The following STK32B variants were observed in gnomAD, a reference collection of about 807,000 sequenced individuals.
STK32B encodes the protein serine/threonine kinase 32B, also known as serine/threonine-protein kinase 32B.
In STK32B, 43 loss-of-function variants were observed where a neutral mutation model predicts 52.6. That is an observed-to-expected ratio of 0.82 (90% CI 0.64 to 1.05). The LOEUF is 1.05. Among genes scored for constraint, STK32B ranks in the 50% least tolerant of loss-of-function variants. STK32B has a pLI of 0.00. For synonymous variants in STK32B, 238 were observed against 204.3 expected (o/e 1.17, Z -1.41); for missense variants, 621 against 534.6 (o/e 1.16, Z -1.59).
At chr4:5,486,673 G>A (rs141466973) in intron 11 of STK32B, among the ~76,000 whole-genome samples, 35 of 152,318 alleles carry the variant, frequency 2.3e-4, no homozygotes, top group African/African-American at 6.0e-4. Flanking sequence ...CTTCTGCGTC[G>A]CTCATGCTGG....
chr4:5,488,266 C>G (rs1354518636), intron 11 of STK32B, among the ~76,000 whole-genome samples: 1 of 152,102 alleles, frequency 6.6e-6, no homozygotes, highest in Non-Finnish European at 1.5e-5. Flanking sequence ...CCACTGCACT[C>G]CAGCCTGGGT....
chr4:5,228,022 A>G (rs2108802781), intron 3 of STK32B, among the ~76,000 whole-genome samples: 1 of 152,238 alleles, frequency 6.6e-6, no homozygotes, highest in East Asian at 1.9e-4. Context: ...CTGGGAGAAC[A>G]TTTGTTTTAT....
Position 5,428,410 on chromosome 4 carries a change from AAAAAC to A in STK32B, c.562+11485_562+11489del, listed in dbSNP as rs1204111387. 3.9e-5 allele frequency among the ~76,000 whole-genome samples: 6 copies of A among 152,184 alleles called. No individual in the cohort carries two copies. In the East Asian group the frequency reaches 7.7e-4, roughly 20 times the overall value. On this transcript the variant is annotated intron_variant, in intron 6 of 11. Transcript: ENST00000282908. ...GCAACAAAGTGAGACTCTGTCTAAA[AAAAAC>A]AAAACAAACAAACAAAAAAACATTT...
At position 5,481,571 on chromosome 4, in the gene STK32B, A is replaced by C. The variant is rs1162978944; in HGVS notation, c.1106+13501A>C. ...CTGGTGGTAGTTTCTTTTGCTGTGC[A>C]GAAGCTCTTTAGTTTAATTAGATGC... On this transcript the variant is annotated intron_variant, in intron 11 of 11. Coordinates refer to ENST00000282908, the MANE Select transcript of STK32B (RefSeq NM_018401.3). 5.9e-5 allele frequency among the ~76,000 whole-genome samples: 9 copies of C among 152,184 alleles called. No individual in the cohort carries two copies. The South Asian group carries it at 6.2e-4, about 10-fold the overall frequency.
chr4:5,161,612 G>A (rs368420030), intron 2 of STK32B, among the ~76,000 whole-genome samples: 3 of 152,182 alleles, frequency 2.0e-5, no homozygotes, highest in East Asian at 1.9e-4. Context: ...CATCTCCTTG[G>A]CTAGAACTGT....
At chr4:5,105,252 A>G (rs889740749) in intron 1 of STK32B, among the ~76,000 whole-genome samples, 23 of 152,138 alleles carry the variant, frequency 1.5e-4, no homozygotes, top group African/African-American at 4.8e-4. Flanking sequence ...GGAGGATTGC[A>G]TGAGGCCAGA....
In STK32B at chr4:5,467,367, C is replaced by T. The variant is rs1183894367; in HGVS notation, c.1041+533C>T. ...CCCCAGGCTTCGAGTGGCGGCCGGC[C>T]CCCTTGTCCTTCGCTGGCTCGCAGC... is the stretch of plus-strand genomic sequence containing the variant. On this transcript the variant is annotated intron_variant, in intron 10 of 11. Transcript: ENST00000282908. The surrounding 1 kb of genome is among the most constrained non-coding windows in gnomAD (Gnocchi z 5.8). Among the ~76,000 whole-genome samples the T allele has an allele frequency of 1.3e-5, 2 of 152,156 alleles. No homozygotes were observed. Among genetic ancestry groups the T allele is most frequent in the East Asian group, 3.9e-4 (2 of 5,156 alleles).
intron 2 of STK32B, among the ~76,000 whole-genome samples, chr4:5,167,566 TAGGA>T (rs147479447): frequency 4.7e-4 from 71 of 151,692 alleles, no homozygotes; most frequent in African/African-American, 1.6e-3. Context: ...CAGAGAAGGG[TAGGA>T]AGGAAGACAG....
chr4:5,240,258 C>G (rs1724929584), intron 3 of STK32B, among the ~76,000 whole-genome samples: 1 of 151,834 alleles, frequency 6.6e-6, no homozygotes, highest in South Asian at 2.1e-4. Flanking sequence ...CATGTTAAAC[C>G]AATTGATGTT....
chr4:5,116,772 C>T (rs1180256992), intron 1 of STK32B, among the ~76,000 whole-genome samples: 1 of 152,210 alleles, frequency 6.6e-6, no homozygotes, highest in African/African-American at 2.4e-5. Context: ...CTCTTCCAAT[C>T]CATTAAAACA....
intron 2 of STK32B, among the ~76,000 whole-genome samples, chr4:5,164,471 A>G (rs1368405333): frequency 6.6e-6 from 1 of 152,156 alleles, no homozygotes; most frequent in African/African-American, 2.4e-5. Context: ...AAAGACCCCT[A>G]TCCAAATAAG....
At chr4:5,299,506 C>T (rs1424585811) in intron 3 of STK32B, among the ~76,000 whole-genome samples, 1 of 152,104 alleles carries the variant, frequency 6.6e-6, no homozygotes. Context: ...TATCCAGCAC[C>T]ATTTATTGAG....
chr4:5,448,394 C>T (rs1715666165), intron 7 of STK32B, among the ~76,000 whole-genome samples: 1 of 152,168 alleles, frequency 6.6e-6, no homozygotes, highest in Non-Finnish European at 1.5e-5. Context: ...ATATGAGGGT[C>T]CACGATGTCG....
At chr4:5,384,702 G>A (rs1355578095) in intron 4 of STK32B, among the ~76,000 whole-genome samples, 1 of 152,204 alleles carries the variant, frequency 6.6e-6, no homozygotes, top group Admixed American at 6.5e-5. Flanking sequence ...AGACCATGGA[G>A]TGTGGGCTGG....
chr4:5,074,179 A>AATATAT (rs202089861), intron 1 of STK32B, among the ~76,000 whole-genome samples: 12 of 128,194 alleles, frequency 9.4e-5, no homozygotes, highest in Non-Finnish European at 1.5e-4. Flanking sequence ...TTCATTTGTA[A>AATATAT]ATATATATAT....
the STK32B span, among the ~76,000 whole-genome samples, chr4:5,037,644 C>T: frequency 6.6e-6 from 1 of 152,148 alleles, no homozygotes; most frequent in African/African-American, 2.4e-5. Context: ...GACAAATGAA[C>T]TTCCCCAAAG....
chr4:5,365,059 G>A (rs13435394), intron 4 of STK32B, among the ~76,000 whole-genome samples: 7,625 of 151,890 alleles, frequency 0.05, 298 homozygotes, highest in African/African-American at 0.1. Flanking sequence ...TATTTTTAGT[G>A]GAGATGGGGT....
chr4:5,257,484 A>G (rs1213577759), intron 3 of STK32B, among the ~76,000 whole-genome samples: 1 of 152,204 alleles, frequency 6.6e-6, no homozygotes, highest in Admixed American at 6.5e-5. Context: ...TCCCCACTCC[A>G]CCATAACCAT....
chr4:5,499,199 A>C lies in STK32B; in HGVS notation c.*116A>C. 7.3e-7 allele frequency: 1 copy of C among 1,374,190 alleles called. No homozygotes were observed. The highest frequency in any genetic ancestry group is 2.7e-5 in the East Asian group (1 of 36,416). 85.1% of individuals were successfully genotyped at this position (1,374,190 alleles called of 1,614,324 possible). ...CCCCTGAAAACATCAGATGCAGAAAAAGCCCTGGACTTGGAGCTGGGAAGC... is the reference window on the plus strand; with the variant it reads ...CCCCTGAAAACATCAGATGCAGAAACAGCCCTGGACTTGGAGCTGGGAAGC... On this transcript the variant is annotated 3_prime_UTR_variant, in exon 12 of 12. Transcript: ENST00000282908.
Sources: gnomAD v4.1 joint callset for allele counts (sites outside exome capture counted in the v4.1 genomes callset) on GRCh38, gnomAD v4.1.1 for gene constraint, Gnocchi (gnomAD v3.1) non-coding constraint, MANE v1.5 for transcripts, NCBI Gene and HGNC (gene_info 2026-07-23, HGNC 2026-07-21) for gene names.